Variants in AGPS observed in about 807,000 individuals in gnomAD.
AGPS encodes alkyldihydroxyacetonephosphate synthase, peroxisomal.
A neutral mutation model predicts 90.7 loss-of-function variants in AGPS; 26 were observed. That is an observed-to-expected ratio of 0.29 (90% CI 0.21 to 0.40). AGPS has a LOEUF of 0.40. Ranked by LOEUF, AGPS falls within the 10% of genes least tolerant of loss-of-function variation. AGPS has a pLI of 1.00. For synonymous variants in AGPS, 294 were observed against 285.3 expected, an observed-to-expected ratio of 1.03 and a Z score of -0.31; for missense variants, 540 against 816.1, an observed-to-expected ratio of 0.66 and a Z score of 4.12.
At chr2:177,477,002 A>G (rs967143969) in intron 10 of AGPS, among the ~76,000 whole-genome samples, 2 of 151,996 alleles carry the variant, frequency 1.3e-5, no homozygotes, top group African/African-American at 4.8e-5. Context: ...TGCATTATAT[A>G]TATTTTTTCT....
intron 12 of AGPS, among the ~76,000 whole-genome samples, chr2:177,495,965 T>A (rs1218281367): frequency 6.7e-6 from 1 of 149,610 alleles, no homozygotes; most frequent in Admixed American, 6.7e-5. Context: ...AGAATATATT[T>A]AAAATGTAAT....
chr2:177,414,712 A>T (rs1200350976), intron 1 of AGPS, among the ~76,000 whole-genome samples: 2 of 152,186 alleles, frequency 1.3e-5, no homozygotes, highest in African/African-American at 4.8e-5. Flanking sequence ...GGAAGAAAGA[A>T]TTATTTTCTC....
At chr2:177,462,234 CA>C (rs897259535) in intron 9 of AGPS, among the ~76,000 whole-genome samples, 1 of 149,604 alleles carries the variant, frequency 6.7e-6, no homozygotes, top group Non-Finnish European at 1.5e-5. Context: ...ACTAAAAATA[CA>C]AAAAAAAATT....
intron 5 of AGPS, among the ~76,000 whole-genome samples, chr2:177,437,672 CTTGCTGTCCATTA>C (rs1289645208): frequency 1.3e-5 from 2 of 152,094 alleles, no homozygotes; most frequent in African/African-American, 4.8e-5. Flanking sequence ...TATATTGTTC[CTTGCTGTCCATTA>C]TTGCATTTTT....
intron 7 of AGPS, 49 bp from the exon 8 acceptor site, chr2:177,445,497 A>G: frequency 6.9e-7 from 1 of 1,454,458 alleles, no homozygotes; most frequent in Non-Finnish European, 9.7e-7. Context: ...TTTCCTGAGA[A>G]AATATTAGTA....
chr2:177,424,074 A>G (rs1574355802), intron 2 of AGPS, among the ~76,000 whole-genome samples: 1 of 152,092 alleles, frequency 6.6e-6, no homozygotes, highest in African/African-American at 2.4e-5. Context: ...TATTAAGCCC[A>G]CTATCCATTA....
intron 5 of AGPS, among the ~76,000 whole-genome samples, chr2:177,440,259 G>C (rs1441677980): frequency 6.6e-6 from 1 of 152,044 alleles, no homozygotes; most frequent in East Asian, 1.9e-4. Flanking sequence ...TATCCTTATA[G>C]TGGGGAAACC....
At chr2:177,493,073 T>A in intron 11 of AGPS, 75 bp from the exon 12 acceptor site, 1 of 1,308,412 alleles carries the variant, frequency 7.6e-7, no homozygotes. Context: ...TATAGAAAGA[T>A]AATATTCACA....
At chr2:177,476,879 C>T (rs1194975714) in intron 10 of AGPS, among the ~76,000 whole-genome samples, 1 of 152,036 alleles carries the variant, frequency 6.6e-6, no homozygotes, top group African/African-American at 2.4e-5. Context: ...GTTTTGTCTT[C>T]CTGATGGCTT....
At chr2:177,519,650 G>A (rs972756388) in intron 17 of AGPS, among the ~76,000 whole-genome samples, 1 of 152,102 alleles carries the variant, frequency 6.6e-6, no homozygotes, top group Non-Finnish European at 1.5e-5. Flanking sequence ...GCAGTGATTT[G>A]CTTTTTTTCT....
chr2:177,477,015 C>T (rs917088956), intron 10 of AGPS, among the ~76,000 whole-genome samples: 9 of 151,946 alleles, frequency 5.9e-5, no homozygotes, highest in East Asian at 3.8e-4. Context: ...TTTTTTCTTT[C>T]GATCTAGTCG....
chr2:177,527,274 A>G (rs1254138770), intron 19 of AGPS, among the ~76,000 whole-genome samples: 1 of 152,072 alleles, frequency 6.6e-6, no homozygotes, highest in Non-Finnish European at 1.5e-5. Context: ...CAAAAAATAC[A>G]AAACTTAGCT....
intron 11 of AGPS, among the ~76,000 whole-genome samples, chr2:177,483,954 C>T (rs1187057744): frequency 4.7e-5 from 7 of 150,462 alleles, no homozygotes; most frequent in Admixed American, 4.6e-4. Flanking sequence ...AAAGAACTTG[C>T]AGAGCCTTAT....
intron 11 of AGPS, among the ~76,000 whole-genome samples, chr2:177,486,801 T>C (rs1249606890): frequency 4.1e-5 from 6 of 146,290 alleles, no homozygotes; most frequent in Non-Finnish European, 9.1e-5. Context: ...TTAGAAGGAT[T>C]CTACTAAAGT....
At chr2:177,517,610 A>G (rs1316812421) in intron 17 of AGPS, among the ~76,000 whole-genome samples, 1 of 152,146 alleles carries the variant, frequency 6.6e-6, no homozygotes, top group African/African-American at 2.4e-5. Context: ...CTTGATGGAG[A>G]TGGGCCAATT....
chr2:177,486,437 T>G (rs1206529339), intron 11 of AGPS, among the ~76,000 whole-genome samples: 2 of 152,064 alleles, frequency 1.3e-5, no homozygotes, highest in African/African-American at 2.4e-5. Context: ...GCAGAAAAAT[T>G]GAAAAAATCA....
At chr2:177,432,642 A>C (rs571685704) in intron 2 of AGPS, among the ~76,000 whole-genome samples, 22 of 152,388 alleles carry the variant, frequency 1.4e-4, no homozygotes, top group African/African-American at 5.0e-4. Context: ...AATTTTATAC[A>C]TGATAGTAAC....
intron 1 of AGPS, among the ~76,000 whole-genome samples, chr2:177,412,728 C>T (rs1685654546): frequency 6.6e-6 from 1 of 152,162 alleles, no homozygotes; most frequent in African/African-American, 2.4e-5. Flanking sequence ...CTCTTGTTCT[C>T]TGACCTGGGG....
chr2:177,414,070 C>T (rs1685715918), intron 1 of AGPS, among the ~76,000 whole-genome samples: 2 of 152,100 alleles, frequency 1.3e-5, no homozygotes, highest in Admixed American at 1.3e-4. Flanking sequence ...CGCCCCTTTC[C>T]TGTGCCTCTG....
Sources: gnomAD v4.1 joint callset for allele counts (sites outside exome capture counted in the v4.1 genomes callset) on GRCh38, gnomAD v4.1.1 for gene constraint, MANE v1.5 for transcripts, NCBI Gene and HGNC (gene_info 2026-07-23, HGNC 2026-07-21) for gene names.